The following RFTN2 variants were observed in gnomAD, a reference collection of about 807,000 sequenced individuals.
RFTN2 encodes raftlin family member 2, also known as raftlin-2.
In RFTN2, 34 loss-of-function variants were observed where a neutral mutation model predicts 52.7. That is an observed-to-expected ratio of 0.64 (90% confidence interval 0.49 to 0.86). The LOEUF is 0.86. RFTN2 is among the 40% of genes least tolerant of loss of function. The pLI is 0.00. For missense variants in RFTN2, 536 were observed against 600.1 expected (o/e 0.89, Z 1.12); for synonymous variants, 203 against 217.7 (o/e 0.93, Z 0.59).
chr2:197,620,319 C>G (rs146275666), intron 5 of RFTN2, among the ~76,000 whole-genome samples: 2 of 152,108 alleles, frequency 1.3e-5, no homozygotes, highest in Admixed American at 6.5e-5. Flanking sequence ...CAATAACCAG[C>G]TGGCCTACAC....
intron 1 of RFTN2, among the ~76,000 whole-genome samples, chr2:197,659,600 T>C (rs2088947728): frequency 6.6e-6 from 1 of 151,758 alleles, no homozygotes; most frequent in Admixed American, 6.6e-5. Context: ...GGTGGATTAC[T>C]GCAGGTCAGG....
intron 3 of RFTN2, among the ~76,000 whole-genome samples, chr2:197,640,126 C>T (rs2088638401): frequency 6.6e-6 from 1 of 152,212 alleles, no homozygotes; most frequent in Non-Finnish European, 1.5e-5. Context: ...GCTGGGAGAA[C>T]CACTGCTCTC....
At chr2:197,654,109 T>A (rs191505648) in intron 1 of RFTN2, among the ~76,000 whole-genome samples, 1 of 152,332 alleles carries the variant, frequency 6.6e-6, no homozygotes, top group Admixed American at 6.5e-5. Flanking sequence ...AAAATTAGGC[T>A]GGGCATGGTG....
intron 1 of RFTN2, among the ~76,000 whole-genome samples, chr2:197,658,979 A>T (rs1021884749): frequency 6.6e-6 from 1 of 152,176 alleles, no homozygotes; most frequent in African/African-American, 2.4e-5. Flanking sequence ...AACATCAAAG[A>T]CTTTATGCTC....
intron 7 of RFTN2, among the ~76,000 whole-genome samples, chr2:197,613,186 TGAA>T (rs2088091605): frequency 6.6e-6 from 1 of 152,214 alleles, no homozygotes; most frequent in Non-Finnish European, 1.5e-5. Context: ...CTACCATCCC[TGAA>T]CATTGGTTTC....
At chr2:197,653,132 T>A (rs1367716778) in intron 1 of RFTN2, among the ~76,000 whole-genome samples, 1 of 152,220 alleles carries the variant, frequency 6.6e-6, no homozygotes, top group Non-Finnish European at 1.5e-5. Flanking sequence ...GGATGAAAGC[T>A]CTGTGAGGGC....
chr2:197,599,860 A>G (rs2087853923), intron 7 of RFTN2, among the ~76,000 whole-genome samples: 1 of 151,380 alleles, frequency 6.6e-6, no homozygotes, highest in Non-Finnish European at 1.5e-5. Context: ...ATTTTATTTT[A>G]TATTTTATTT....
chr2:197,675,175 G>T, intron 1 of RFTN2, 145 bp downstream of exon 1: 1 of 581,006 alleles, frequency 1.7e-6, no homozygotes. Flanking sequence ...ATCTTACAAA[G>T]TATAATTAAG....
intron 8 of RFTN2, among the ~76,000 whole-genome samples, chr2:197,577,920 T>C (rs967746076): frequency 6.6e-6 from 1 of 152,174 alleles, no homozygotes; most frequent in Admixed American, 6.5e-5. Flanking sequence ...TTTTGCCATG[T>C]TGGCCAGGCT....
chr2:197,596,109 T>A, intron 7 of RFTN2, 40 bp from the exon 8 acceptor site: 2 of 1,218,260 alleles, frequency 1.6e-6, no homozygotes, highest in Non-Finnish European at 2.4e-6. Flanking sequence ...TGTGAGTTAG[T>A]AATTCTCTAT....
At chr2:197,654,141 A>G (rs967735651) in intron 1 of RFTN2, among the ~76,000 whole-genome samples, 1 of 152,184 alleles carries the variant, frequency 6.6e-6, no homozygotes, top group African/African-American at 2.4e-5. Flanking sequence ...CAATTCCATC[A>G]CTTTGGGAGG....
chr2:197,672,346 A>G (rs1230524576), intron 1 of RFTN2, among the ~76,000 whole-genome samples: 1 of 152,230 alleles, frequency 6.6e-6, no homozygotes, highest in Non-Finnish European at 1.5e-5. Flanking sequence ...TAGTTGCACA[A>G]ACTAATAATT....
chr2:197,626,644 C>T (rs1178155931), intron 5 of RFTN2, among the ~76,000 whole-genome samples: 38 of 79,332 alleles, frequency 4.8e-4, no homozygotes, highest in Admixed American at 7.5e-4. Flanking sequence ...TTTTTTGAGA[C>T]GGAGTCTTGC....
At chr2:197,665,587 C>T (rs1335187002) in intron 1 of RFTN2, among the ~76,000 whole-genome samples, 1 of 131,504 alleles carries the variant, frequency 7.6e-6, no homozygotes, top group African/African-American at 2.9e-5. Flanking sequence ...TATAGCTATA[C>T]CTGTTCACTT....
intron 5 of RFTN2, among the ~76,000 whole-genome samples, chr2:197,621,408 T>TTG (rs2088263369): frequency 6.6e-6 from 1 of 151,424 alleles, no homozygotes; most frequent in African/African-American, 2.4e-5. Context: ...CCGGTTTTTT[T>TTG]TTTTTTTTTT....
At chr2:197,672,928 G>T (rs1295860322) in intron 1 of RFTN2, among the ~76,000 whole-genome samples, 1 of 152,140 alleles carries the variant, frequency 6.6e-6, no homozygotes, top group African/African-American at 2.4e-5. Context: ...TGTTTTCTGG[G>T]TGGAGCTTTG....
At chr2:197,655,335 C>A (rs914189237) in intron 1 of RFTN2, among the ~76,000 whole-genome samples, 1 of 152,148 alleles carries the variant, frequency 6.6e-6, no homozygotes, top group African/African-American at 2.4e-5. Context: ...CTGGTCTAAT[C>A]CACATCTTCT....
At chr2:197,661,526 T>C (rs975261006) in intron 1 of RFTN2, among the ~76,000 whole-genome samples, 1 of 152,192 alleles carries the variant, frequency 6.6e-6, no homozygotes, top group Non-Finnish European at 1.5e-5. Flanking sequence ...ATCTTCTTTA[T>C]CCATTCTTCT....
At chr2:197,636,946 T>G (rs1458790180) in intron 3 of RFTN2, among the ~76,000 whole-genome samples, 1 of 152,212 alleles carries the variant, frequency 6.6e-6, no homozygotes, top group African/African-American at 2.4e-5. Context: ...GTTTTTAGCA[T>G]GAAGTGTTGT....
Sources: gnomAD v4.1 joint callset for allele counts (sites outside exome capture counted in the v4.1 genomes callset) on GRCh38, gnomAD v4.1.1 for gene constraint, MANE v1.5 for transcripts, NCBI Gene and HGNC (gene_info 2026-07-23, HGNC 2026-07-21) for gene names.